Variants in PARD3B observed in about 807,000 individuals in gnomAD.
The protein encoded by PARD3B is par-3 family cell polarity regulator beta.
Under a neutral mutation model 130.2 loss-of-function variants are expected in PARD3B, and 103 were observed. The ratio of observed to expected loss-of-function variants is 0.79; its 90% CI spans 0.67 to 0.93. The LOEUF is 0.93. Among genes scored for constraint, PARD3B ranks in the 40% least tolerant of loss-of-function variants. The pLI is 0.00. For missense variants in PARD3B, 1,609 were observed against 1,499.2 expected (o/e 1.07, Z -1.21); for synonymous variants, 583 against 553.2 (o/e 1.05, Z -0.76).
At chr2:205,416,712 T>TA (rs931151728) in intron 19 of PARD3B, among the ~76,000 whole-genome samples, 26 of 152,034 alleles carry the variant, frequency 1.7e-4, no homozygotes, top group African/African-American at 4.6e-4. Flanking sequence ...ATTGATGCAT[T>TA]AAAAAAAATC....
At chr2:204,735,288 A>G (rs1212414094) in intron 2 of PARD3B, among the ~76,000 whole-genome samples, 1 of 152,110 alleles carries the variant, frequency 6.6e-6, no homozygotes, top group East Asian at 1.9e-4. Flanking sequence ...TGTCATCAAA[A>G]TTCACATTCT....
chr2:205,082,551 A>G (rs905666157), intron 4 of PARD3B, among the ~76,000 whole-genome samples: 1 of 152,188 alleles, frequency 6.6e-6, no homozygotes. Flanking sequence ...AACTGCAGAT[A>G]AGAGGACACT....
chr2:204,667,895 CT>C (rs2036099539), intron 1 of PARD3B, among the ~76,000 whole-genome samples: 1 of 152,078 alleles, frequency 6.6e-6, no homozygotes, highest in Non-Finnish European at 1.5e-5. Flanking sequence ...ATGTGAAAGA[CT>C]TGTGAAGATT....
chr2:204,603,698 T>C (rs1383960341), intron 1 of PARD3B, among the ~76,000 whole-genome samples: 2 of 152,102 alleles, frequency 1.3e-5, no homozygotes, highest in Non-Finnish European at 2.9e-5. Context: ...CCAGCACAAT[T>C]GTATTTGGCA....
intron 1 of PARD3B, among the ~76,000 whole-genome samples, chr2:204,575,559 A>G (rs1351401046): frequency 1.3e-5 from 2 of 152,138 alleles, no homozygotes; most frequent in East Asian, 3.9e-4. Context: ...CCTTTTGTAT[A>G]GAATGGACTT....
At chr2:205,180,919 G>T (rs2035751997) in intron 13 of PARD3B, among the ~76,000 whole-genome samples, 1 of 152,146 alleles carries the variant, frequency 6.6e-6, no homozygotes, top group African/African-American at 2.4e-5. Flanking sequence ...GAATGGTAAT[G>T]AAATGCACCA....
At chr2:205,354,684 G>T (rs934633830) in intron 18 of PARD3B, among the ~76,000 whole-genome samples, 1 of 152,134 alleles carries the variant, frequency 6.6e-6, no homozygotes, top group East Asian at 1.9e-4. Flanking sequence ...AGAGTGAACT[G>T]ATATTTCCAA....
In PARD3B at chr2:205,373,366, G is replaced by A. The variant is rs187826760; in HGVS notation, c.2631-27647G>A. Reference sequence around the variant, plus strand: ...ACAGAAGGATGCCTCCTAAAACTGCGAACCATTTTATAGAGAAGATATGTC... The same window carrying A: ...ACAGAAGGATGCCTCCTAAAACTGCAAACCATTTTATAGAGAAGATATGTC... On this transcript the variant is annotated intron_variant, in intron 18 of 22. Coordinates refer to ENST00000406610, the MANE Select transcript of PARD3B (RefSeq NM_001302769.2). Among the ~76,000 whole-genome samples the A allele has an allele frequency of 7.0e-4, 106 of 152,230 alleles. 1 individual carries two copies. Among genetic ancestry groups the A allele is most frequent in the Admixed American group, 6.0e-3 (91 of 15,288 alleles).
intron 13 of PARD3B, among the ~76,000 whole-genome samples, chr2:205,180,779 C>T (rs1435629768): frequency 2.0e-5 from 3 of 151,964 alleles, no homozygotes; most frequent in African/African-American, 7.3e-5. Flanking sequence ...AATCGTAATA[C>T]CAGAAAATTC....
intron 21 of PARD3B, among the ~76,000 whole-genome samples, chr2:205,510,047 AT>A (rs1261635625): frequency 6.6e-6 from 1 of 152,226 alleles, no homozygotes; most frequent in Non-Finnish European, 1.5e-5. Flanking sequence ...TTTAGCAGAT[AT>A]GGGAAGCATT....
chr2:205,380,841 T>C (rs1474296958), intron 18 of PARD3B, among the ~76,000 whole-genome samples: 1 of 101,422 alleles, frequency 9.9e-6, no homozygotes, highest in Non-Finnish European at 1.7e-5. Flanking sequence ...GAATACATTA[T>C]AATATAAAGA....
At chr2:205,501,315 G>C (rs753595621) in intron 21 of PARD3B, among the ~76,000 whole-genome samples, 1 of 152,098 alleles carries the variant, frequency 6.6e-6, no homozygotes. Context: ...CTGAGACTAT[G>C]GATCGGAACA....
chr2:204,829,217 T>G (rs7579299), intron 2 of PARD3B, among the ~76,000 whole-genome samples: 1 of 152,224 alleles, frequency 6.6e-6, no homozygotes, highest in Non-Finnish European at 1.5e-5. Context: ...GTAAATTCTA[T>G]AAGTTCATAG....
chr2:205,109,830 T>G (rs951950646), intron 5 of PARD3B, among the ~76,000 whole-genome samples: 3 of 151,898 alleles, frequency 2.0e-5, no homozygotes, highest in African/African-American at 7.3e-5. Context: ...ATTTTTGTAT[T>G]TTTAGTAGAG....
At position 205,013,489 on chromosome 2, in the gene PARD3B, C is replaced by A. The variant is rs543091440; in HGVS notation, c.395-34092C>A. ...TAGTGTCTGTCGGGGTTCCCAACCT[C>A]TACACTATTGATGCTTTAGGCTGGC... On this transcript the variant is annotated intron_variant, in intron 3 of 22. Coordinates refer to ENST00000406610, the MANE Select transcript of PARD3B (RefSeq NM_001302769.2). Among the ~76,000 whole-genome samples, 33 of 152,218 alleles carry A rather than the reference C, an allele frequency of 2.2e-4. 1 individual carries two copies. In the East Asian group the frequency reaches 3.1e-3, roughly 14 times the overall value.
At chr2:205,152,141 G>T (rs1310032517) in intron 10 of PARD3B, among the ~76,000 whole-genome samples, 3 of 152,196 alleles carry the variant, frequency 2.0e-5, no homozygotes, top group African/African-American at 7.2e-5. Context: ...CTGTTAGTCT[G>T]ATGGGCTTCC....
At chr2:204,959,966 G>A (rs80026761) in intron 2 of PARD3B, among the ~76,000 whole-genome samples, 140 of 152,214 alleles carry the variant, frequency 9.2e-4, no homozygotes, top group African/African-American at 3.3e-3. Context: ...CTCAAACAGG[G>A]TTACCCAAAT....
intron 4 of PARD3B, among the ~76,000 whole-genome samples, chr2:205,084,597 T>C (rs995019904): frequency 2.6e-5 from 4 of 152,100 alleles, no homozygotes; most frequent in African/African-American, 4.8e-5. Context: ...TAATTTCTTA[T>C]ACATTTCTAC....
chr2:205,227,835 C>A (rs116532774), intron 15 of PARD3B, among the ~76,000 whole-genome samples: 1 of 151,826 alleles, frequency 6.6e-6, no homozygotes, highest in Admixed American at 6.6e-5. Flanking sequence ...CTTTCTTTTT[C>A]TTTTTTGTAT....
Sources: gnomAD v4.1 joint callset for allele counts (sites outside exome capture counted in the v4.1 genomes callset) on GRCh38, gnomAD v4.1.1 for gene constraint, MANE v1.5 for transcripts, NCBI Gene and HGNC (gene_info 2026-07-23, HGNC 2026-07-21) for gene names.